Variants in PSMD1 observed in about 807,000 individuals in gnomAD.
PSMD1 encodes 26S proteasome non-ATPase regulatory subunit 1.
A neutral mutation model predicts 119.0 loss-of-function variants in PSMD1; 18 were observed. The observed-to-expected ratio is 0.15, with a 90% CI of 0.10 to 0.22. The LOEUF is 0.22. Among genes scored for constraint, PSMD1 ranks in the 10% least tolerant of loss-of-function variants. The pLI is 1.00. For synonymous variants in PSMD1, 374 were observed against 396.6 expected, an observed-to-expected ratio of 0.94 and a Z score of 0.68; for missense variants, 702 against 1,158.5, an observed-to-expected ratio of 0.61 and a Z score of 5.72.
intron 4 of PSMD1, among the ~76,000 whole-genome samples, chr2:231,064,818 A>G (rs891832741): frequency 2.0e-5 from 3 of 151,904 alleles, no homozygotes; most frequent in Non-Finnish European, 4.4e-5. Flanking sequence ...GGTGCACACT[A>G]CCACACCTGG....
intron 5 of PSMD1, among the ~76,000 whole-genome samples, chr2:231,069,087 A>G (rs1400142956): frequency 6.6e-6 from 1 of 152,166 alleles, no homozygotes; most frequent in Non-Finnish European, 1.5e-5. Flanking sequence ...AAACAAGACC[A>G]ACAAAGTTCC....
At chr2:231,114,557 C>T (rs1260453821) in intron 16 of PSMD1, among the ~76,000 whole-genome samples, 1 of 152,118 alleles carries the variant, frequency 6.6e-6, no homozygotes, top group East Asian at 1.9e-4. Flanking sequence ...GTTTCCCCTT[C>T]TATATTTCAT....
intron 16 of PSMD1, among the ~76,000 whole-genome samples, chr2:231,090,933 C>T (rs534843049): frequency 2.6e-5 from 4 of 152,282 alleles, no homozygotes; most frequent in African/African-American, 7.2e-5. Context: ...GAATCTACTC[C>T]TGAAGATGCT....
intron 18 of PSMD1, among the ~76,000 whole-genome samples, chr2:231,152,591 T>C (rs993728472): frequency 6.6e-6 from 1 of 152,206 alleles, no homozygotes; most frequent in Admixed American, 6.5e-5. Flanking sequence ...ATTCTGCCAC[T>C]GTATCACATT....
chr2:231,074,231 G>A (rs1694106870), intron 7 of PSMD1, among the ~76,000 whole-genome samples: 1 of 151,954 alleles, frequency 6.6e-6, no homozygotes, highest in African/African-American at 2.4e-5. Flanking sequence ...TCAGCCTCCT[G>A]AGTAGCTGGG....
At chr2:231,068,117 T>C (rs1693950632) in intron 5 of PSMD1, among the ~76,000 whole-genome samples, 1 of 152,160 alleles carries the variant, frequency 6.6e-6, no homozygotes, top group Non-Finnish European at 1.5e-5. Context: ...CCCTGTACAT[T>C]TTTTCATGGT....
At chr2:231,171,549 A>ATTTTT (rs568576394) in intron 24 of PSMD1, among the ~76,000 whole-genome samples, 20 of 117,256 alleles carry the variant, frequency 1.7e-4, no homozygotes, top group African/African-American at 4.3e-4. Flanking sequence ...TTTTCAGACA[A>ATTTTT]TTTTTTTTTT....
chr2:231,093,335 G>A (rs1462183795), intron 16 of PSMD1, among the ~76,000 whole-genome samples: 1 of 152,220 alleles, frequency 6.6e-6, no homozygotes, highest in Non-Finnish European at 1.5e-5. Context: ...AATGGTGTCT[G>A]TGTCTGGAGC....
At chr2:231,134,397 C>T (rs753611505) in intron 16 of PSMD1, among the ~76,000 whole-genome samples, 1 of 152,114 alleles carries the variant, frequency 6.6e-6, no homozygotes, top group Non-Finnish European at 1.5e-5. Flanking sequence ...AACTAAGTCC[C>T]GAGCGAGCCT....
Position 231,077,221 on chromosome 2 carries a change from A to G in PSMD1, c.1071+59A>G, listed in dbSNP as rs939281150. The G allele has an allele frequency of 7.0e-6, 8 of 1,141,680 alleles. No homozygotes were observed. The African/African-American group carries it at 1.2e-4, about 16-fold the overall frequency. 70.7% of individuals were successfully genotyped at this position (1,141,680 alleles called of 1,614,324 possible). A position where few individuals can be genotyped will look rare whatever the true frequency, so the allele number is the denominator to read the frequency against. On this transcript the variant is annotated intron_variant, in intron 9 of 24. Transcript: ENST00000308696. ...AAATATTTAGTTCTTTGTTGCATAT[A>G]AGTAATTATATTTATTTCTTGTTGG...
At chr2:231,168,631 C>T (rs764426327) in intron 23 of PSMD1, among the ~76,000 whole-genome samples, 18 of 152,142 alleles carry the variant, frequency 1.2e-4, no homozygotes, top group Non-Finnish European at 1.8e-4. Flanking sequence ...TTGGTGGCTA[C>T]CAAGGACAGG....
At chr2:231,078,625 C>T in intron 9 of PSMD1, 34 bp from the exon 10 acceptor site, 1 of 1,541,264 alleles carries the variant, frequency 6.5e-7, no homozygotes, top group South Asian at 1.2e-5. Flanking sequence ...AATACTTTGC[C>T]AGTGATGAAA....
chr2:231,110,394 G>A (rs534610360), intron 16 of PSMD1, among the ~76,000 whole-genome samples: 1 of 152,124 alleles, frequency 6.6e-6, no homozygotes, highest in Non-Finnish European at 1.5e-5. Context: ...ATACCATGAA[G>A]TATTTAAATA....
chr2:231,147,433 G>T (rs1696278528), intron 18 of PSMD1, among the ~76,000 whole-genome samples: 1 of 152,152 alleles, frequency 6.6e-6, no homozygotes, highest in African/African-American at 2.4e-5. Context: ...GGAGGCCAAG[G>T]CTGCAGTGAG....
At chr2:231,143,182 G>T (rs1454791745) in intron 17 of PSMD1, among the ~76,000 whole-genome samples, 1 of 143,514 alleles carries the variant, frequency 7.0e-6, no homozygotes. Flanking sequence ...TTAAAGGAAC[G>T]TTGTGGGTTT....
chr2:231,139,314 CTTTTTTTTTTT>C lies in PSMD1; in HGVS notation c.1998+477_1998+487del, dbSNP rs60709158. ...CCACCGCACCAGGCTTTTTTTCTTT[CTTTTTTTTTTT>C]TTTTTTTTTTTTCTTTTGAGTCTTG... On this transcript the variant is annotated intron_variant, in intron 17 of 24. Transcript: ENST00000308696. Among the ~76,000 whole-genome samples the C allele has an allele frequency of 6.1e-3, 571 of 93,566 alleles. 2 individuals carry two copies. The highest frequency in any genetic ancestry group is 7.8e-3 in the Non-Finnish European group (384 of 49,062). The allele number at this position is 93,566 out of a possible 152,430, so 61.4% of individuals were successfully genotyped here. A position where few individuals can be genotyped will look rare whatever the true frequency, so the allele number is the denominator to read the frequency against.
intron 18 of PSMD1, among the ~76,000 whole-genome samples, chr2:231,152,351 GA>G (rs1696394032): frequency 6.6e-6 from 1 of 152,156 alleles, no homozygotes; most frequent in Non-Finnish European, 1.5e-5. Flanking sequence ...TAATAGGAGG[GA>G]TTGGTAGGAT....
At chr2:231,129,925 C>G (rs1247648908) in intron 16 of PSMD1, among the ~76,000 whole-genome samples, 2 of 152,188 alleles carry the variant, frequency 1.3e-5, no homozygotes, top group East Asian at 3.8e-4. Flanking sequence ...ACTGTGTCAG[C>G]TCACTGCAAC....
chr2:231,132,091 C>T (rs1032927517), intron 16 of PSMD1, among the ~76,000 whole-genome samples: 1 of 152,112 alleles, frequency 6.6e-6, no homozygotes, highest in Non-Finnish European at 1.5e-5. Flanking sequence ...TTTATGTTCT[C>T]AGGCAAAATT....
Sources: gnomAD v4.1 joint callset for allele counts (sites outside exome capture counted in the v4.1 genomes callset) on GRCh38, gnomAD v4.1.1 for gene constraint, MANE v1.5 for transcripts, NCBI Gene and HGNC (gene_info 2026-07-23, HGNC 2026-07-21) for gene names.